Variants in ATE1 observed in about 807,000 individuals in gnomAD.
ATE1 encodes the protein arginyltransferase 1.
In ATE1, 36 loss-of-function variants were observed where a neutral mutation model predicts 70.5. The observed-to-expected ratio is 0.51, with a 90% CI of 0.39 to 0.67. The LOEUF is 0.67. Among genes scored for constraint, ATE1 ranks in the 30% least tolerant of loss-of-function variants. The pLI, the probability that ATE1 is intolerant of heterozygous loss-of-function variation, is 0.00. For missense variants in ATE1, 593 were observed against 629.5 expected, an observed-to-expected ratio of 0.94 and a Z score of 0.62; for synonymous variants, 232 against 219.3, an observed-to-expected ratio of 1.06 and a Z score of -0.51.
Position 121,742,555 on chromosome 10 carries a change from T to C in ATE1, c.*1125A>G, listed in dbSNP as rs1002508878. The C allele has an allele frequency of 6.6e-6, 1 of 152,170 alleles. No homozygotes were observed. The allele number at this position is 152,170 out of a possible 1,614,324, so 9.4% of individuals were successfully genotyped here. A position where few individuals can be genotyped will look rare whatever the true frequency, so the allele number is the denominator to read the frequency against. ...AGCTAAGAAGGGACATGTCTGACTG[T>C]CCTCCTGTACCCAGCACAGTGCCTG... On this transcript the variant is annotated 3_prime_UTR_variant, in exon 12 of 12. Transcript: ENST00000224652.
chr10:121,854,840 A>G (rs1949187010), intron 8 of ATE1, among the ~76,000 whole-genome samples: 1 of 152,146 alleles, frequency 6.6e-6, no homozygotes, highest in South Asian at 2.1e-4. Flanking sequence ...CCAATACAGA[A>G]GCCTTTGTTC....
At chr10:121,781,260 C>T (rs1945975972) in intron 11 of ATE1, among the ~76,000 whole-genome samples, 1 of 152,114 alleles carries the variant, frequency 6.6e-6, no homozygotes, top group South Asian at 2.1e-4. Flanking sequence ...AACTATGGTG[C>T]CGTCCTGTAA....
chr10:121,840,953 A>G lies in ATE1; in HGVS notation c.1157+129T>C, dbSNP rs920188405. ...TAGTAGTATGTATTCTATGTAAGAG[A>G]CTAGCAACAAATCATTATAATACAC... On this transcript the variant is annotated intron_variant, in intron 9 of 11. Coordinates refer to ENST00000224652, the MANE Select transcript of ATE1 (RefSeq NM_001001976.3). The G allele has an allele frequency of 4.7e-5, 39 of 830,542 alleles. 1 individual carries two copies. The Middle Eastern group carries it at 1.2e-3, about 26-fold the overall frequency. The allele number at this position is 830,542 out of a possible 1,614,324, so 51.4% of individuals were successfully genotyped here.
At chr10:121,768,184 C>A (rs541832787) in intron 11 of ATE1, among the ~76,000 whole-genome samples, 1 of 152,086 alleles carries the variant, frequency 6.6e-6, no homozygotes. Context: ...TTGCCAGGAG[C>A]TGGAGATGGG....
chr10:121,760,099 T>C (rs1944978148), intron 11 of ATE1, among the ~76,000 whole-genome samples: 1 of 152,258 alleles, frequency 6.6e-6, no homozygotes, highest in Non-Finnish European at 1.5e-5. Flanking sequence ...CTGCTCAGTT[T>C]TTCTGATTCC....
chr10:121,899,097 GA>G, intron 7 of ATE1: 1 of 1,102,388 alleles, frequency 9.1e-7, no homozygotes, highest in Non-Finnish European at 1.3e-6. Context: ...GTCATGAAAA[GA>G]AACCTTAGAC....
chr10:121,877,355 T>C (rs550853347), intron 7 of ATE1, among the ~76,000 whole-genome samples: 2 of 152,344 alleles, frequency 1.3e-5, no homozygotes, highest in Middle Eastern at 3.4e-3. Context: ...GAGAAATCTT[T>C]ACATCTGTTG....
chr10:121,928,093 G>A (rs11200265), upstream of ATE1: 198,614 of 1,210,384 alleles, frequency 0.16, 17,040 homozygotes, highest in Middle Eastern at 0.18. Context: ...CGGCCGGCCC[G>A]GCGCCTCTTG....
chr10:121,877,654 C>T lies in ATE1; in HGVS notation c.943-7616G>A, dbSNP rs537163385. 2.4e-4 allele frequency among the ~76,000 whole-genome samples: 25 copies of T among 104,136 alleles called. No homozygotes were observed. In the South Asian group the frequency reaches 7.0e-3, roughly 29 times the overall value. The allele number at this position is 104,136 out of a possible 152,430, so 68.3% of individuals were successfully genotyped here. On this transcript the variant is annotated intron_variant, in intron 7 of 11. Transcript: ENST00000224652. ...AGCATATTCAAATGGCCAATAAATA[C>T]GTAAAAAGCTCCCTATTTAGTCATC...
At position 121,841,123 on chromosome 10, in the gene ATE1, A is replaced by G; in HGVS notation, c.1116T>C (p.Pro372=). 1.3e-6 allele frequency: 2 copies of G among 1,580,440 alleles called. No individual in the cohort carries two copies. Among genetic ancestry groups the G allele is most frequent in the South Asian group, 2.3e-5 (2 of 85,196 alleles). ...CGCCCAAAGACAAAAACGAATAATC[A>G]GGATCGTAGTACAAATACACAGATG... The part of the protein sequence containing the change: ...CVSSVYLYYD[P]DYSFLSLGVY... The change falls in exon 9 of 12, where the codon CCT becomes CCC. Residue 372 remains proline, a synonymous_variant. Transcript: ENST00000224652.
At chr10:121,792,400 C>T (rs1946490252) in intron 10 of ATE1, among the ~76,000 whole-genome samples, 1 of 152,106 alleles carries the variant, frequency 6.6e-6, no homozygotes, top group Non-Finnish European at 1.5e-5. Flanking sequence ...CCAATAGGAG[C>T]AGATAACAGG....
chr10:121,799,296 A>G (rs11200164), intron 10 of ATE1, among the ~76,000 whole-genome samples: 3 of 152,034 alleles, frequency 2.0e-5, no homozygotes, highest in Admixed American at 1.3e-4. Context: ...AATACTGAGG[A>G]CAGCAACAAG....
intron 10 of ATE1, among the ~76,000 whole-genome samples, chr10:121,832,344 C>G (rs1948271891): frequency 6.6e-6 from 1 of 152,180 alleles, no homozygotes; most frequent in African/African-American, 2.4e-5. Flanking sequence ...TGACAGACAT[C>G]CCATGGCACA....
chr10:121,747,441 T>C lies in ATE1; in HGVS notation c.1379-3583A>G, dbSNP rs11200126. ...GGGGGATAAAGAAGCAAGGGCATTTTCCCCCCAAACCTCTCCTCTCTCTTC... is the reference window on the plus strand; with the variant it reads ...GGGGGATAAAGAAGCAAGGGCATTTCCCCCCCAAACCTCTCCTCTCTCTTC... On this transcript the variant is annotated intron_variant, in intron 11 of 11. Transcript: ENST00000224652. 6.1e-3 allele frequency among the ~76,000 whole-genome samples: 928 copies of C among 152,208 alleles called. 17 individuals carry two copies. Among genetic ancestry groups the C allele is most frequent in the East Asian group, 0.042 (215 of 5,168 alleles).
intron 8 of ATE1, among the ~76,000 whole-genome samples, chr10:121,855,558 G>A (rs1055478608): frequency 2.0e-5 from 3 of 152,098 alleles, no homozygotes; most frequent in African/African-American, 7.2e-5. Flanking sequence ...ACATGTTTCT[G>A]CATCTATAAT....
chr10:121,885,567 CA>C (rs397826119), intron 7 of ATE1, among the ~76,000 whole-genome samples: 13 of 96,076 alleles, frequency 1.4e-4, no homozygotes, highest in South Asian at 4.1e-4. Flanking sequence ...GACTCCGTCT[CA>C]AAAAAAAAAA....
chr10:121,799,182 G>A (rs552309423), intron 10 of ATE1, among the ~76,000 whole-genome samples: 5 of 152,282 alleles, frequency 3.3e-5, no homozygotes, highest in African/African-American at 4.8e-5. Context: ...ATTCTCTGCT[G>A]GGGAAGAGGA....
chr10:121,868,633 T>C (rs1949743727), intron 8 of ATE1, among the ~76,000 whole-genome samples: 1 of 152,210 alleles, frequency 6.6e-6, no homozygotes, highest in Non-Finnish European at 1.5e-5. Context: ...GTAAGTATTA[T>C]TATCTCCATT....
chr10:121,779,834 C>CA (rs1182956958), intron 11 of ATE1, among the ~76,000 whole-genome samples: 1 of 152,182 alleles, frequency 6.6e-6, no homozygotes, highest in African/African-American at 2.4e-5. Context: ...ACAAGGTCTT[C>CA]ACCAAGATTG....
Sources: gnomAD v4.1 joint callset for allele counts (sites outside exome capture counted in the v4.1 genomes callset) on GRCh38, gnomAD v4.1.1 for gene constraint, MANE v1.5 for transcripts, NCBI Gene and HGNC (gene_info 2026-07-23, HGNC 2026-07-21) for gene names.